The following UGT2A2 variants were observed in gnomAD, a reference collection of about 807,000 sequenced individuals.
UGT2A2 encodes UDP-glucuronosyltransferase 2A2.
UGT2A2 carries 60 observed loss-of-function variants against 50.7 expected under a neutral mutation model. The ratio of observed to expected loss-of-function variants is 1.18; its 90% CI spans 0.96 to 1.47. The LOEUF is 1.47. Ranked by LOEUF, UGT2A2 falls within the 40% of genes most tolerant of loss-of-function variation. The pLI, the probability that UGT2A2 is intolerant of heterozygous loss-of-function variation, is 0.00. For missense variants in UGT2A2, 762 were observed against 634.0 expected, an observed-to-expected ratio of 1.20 and a Z score of -2.17; for synonymous variants, 242 against 214.6, an observed-to-expected ratio of 1.13 and a Z score of -1.11.
At position 69,606,507 on chromosome 4, in the gene UGT2A2, T is replaced by C. The variant is rs1269844122; in HGVS notation, c.743-7113A>G. ...AACTGGAAGTATTCCCTTTGAAAAC[T>C]GGCACAAGACAGGGATGCCCTCTCT... On this transcript the variant is annotated intron_variant, in intron 1 of 5. Coordinates refer to ENST00000604629, the MANE Select transcript of UGT2A2 (RefSeq NM_001105677.2). Among the ~76,000 whole-genome samples, 7 of 136,348 alleles carry C rather than the reference T, an allele frequency of 5.1e-5. 1 individual carries two copies. The highest frequency in any genetic ancestry group is 7.8e-5 in the Non-Finnish European group (5 of 64,242). 89.4% of individuals were successfully genotyped at this position (136,348 alleles called of 152,430 possible).
At chr4:69,624,758 G>A (rs574941173) in intron 1 of UGT2A2, among the ~76,000 whole-genome samples, 2 of 151,210 alleles carry the variant, frequency 1.3e-5, no homozygotes, top group African/African-American at 4.8e-5. Flanking sequence ...TTACTTCTAT[G>A]TATTACAACT....
At chr4:69,624,679 C>T (rs1013930110) in intron 1 of UGT2A2, among the ~76,000 whole-genome samples, 1 of 151,160 alleles carries the variant, frequency 6.6e-6, no homozygotes, top group Non-Finnish European at 1.5e-5. Context: ...TCATTTTTAG[C>T]ATAACAACTT....
intron 1 of UGT2A2, among the ~76,000 whole-genome samples, chr4:69,622,329 A>G (rs182317160): frequency 6.6e-6 from 1 of 151,852 alleles, no homozygotes; most frequent in African/African-American, 2.4e-5. Flanking sequence ...AAAGTTAGAG[A>G]TCAAAACATA....
At chr4:69,606,213 AG>A (rs1719602858) in intron 1 of UGT2A2, among the ~76,000 whole-genome samples, 2 of 136,302 alleles carry the variant, frequency 1.5e-5, no homozygotes, top group African/African-American at 3.0e-5. Flanking sequence ...CACATCAAAA[AG>A]CTTACCCACC....
intron 1 of UGT2A2, among the ~76,000 whole-genome samples, chr4:69,615,183 C>A (rs1720302255): frequency 6.6e-6 from 1 of 151,952 alleles, no homozygotes; most frequent in South Asian, 2.1e-4. Flanking sequence ...TCTCACCATA[C>A]ACAAAAATCA....
At chr4:69,591,802 C>A (rs1419395277) in intron 5 of UGT2A2, among the ~76,000 whole-genome samples, 2 of 152,098 alleles carry the variant, frequency 1.3e-5, no homozygotes, top group African/African-American at 4.8e-5. Context: ...TGTACCTACA[C>A]TGATAATTAA....
chr4:69,596,366 T>C lies in UGT2A2; in HGVS notation c.907A>G (p.Ile303Val). The C allele has an allele frequency of 2.5e-6, 4 of 1,598,166 alleles. No homozygotes were observed. The highest frequency in any genetic ancestry group is 3.4e-6 in the Non-Finnish European group (4 of 1,172,024). The change falls in exon 3 of 6, where the codon ATC becomes GTC. Residue 303 changes from isoleucine to valine, a missense_variant. Ile to Val is a conservative substitution (Grantham distance 29). Transcript: ENST00000604629. ...ACACCATTTTTACCTGAGCTCTGGATAAATTCTTCCATTTCCTGCATACAT... is the reference window on the plus strand; with the variant it reads ...ACACCATTTTTACCTGAGCTCTGGACAAATTCTTCCATTTCCTGCATACAT... ...KPLPKEMEEF[I>V]QSSGKNGVVV...
chr4:69,610,170 G>A lies in UGT2A2; in HGVS notation c.743-10776C>T, dbSNP rs138199674. On this transcript the variant is annotated intron_variant, in intron 1 of 5. Coordinates refer to ENST00000604629, the MANE Select transcript of UGT2A2 (RefSeq NM_001105677.2). ...TGGAAAATACATGCATATTTTAAAA[G>A]ATATATAAAATATTTTTAAATGTGC... is the stretch of plus-strand genomic sequence containing the variant. 5.1e-3 allele frequency among the ~76,000 whole-genome samples: 780 copies of A among 152,046 alleles called. 9 individuals carry two copies. The highest frequency in any genetic ancestry group is 0.017 in the African/African-American group (713 of 41,522).
chr4:69,630,465 C>T (rs1721320968), intron 1 of UGT2A2, among the ~76,000 whole-genome samples: 1 of 152,080 alleles, frequency 6.6e-6, no homozygotes, highest in Non-Finnish European at 1.5e-5. Flanking sequence ...CATCACTATT[C>T]CCTCTCCTTT....
intron 1 of UGT2A2, among the ~76,000 whole-genome samples, chr4:69,623,726 T>C (rs1720885176): frequency 6.6e-6 from 1 of 151,264 alleles, no homozygotes; most frequent in Non-Finnish European, 1.5e-5. Context: ...CATCTCAAGT[T>C]AGTGTAAAAT....
Position 69,588,715 on chromosome 4 carries a change from A to G in UGT2A2, c.*657T>C, listed in dbSNP as rs993221086. 6.6e-6 allele frequency: 1 copy of G among 152,094 alleles called. No individual in the cohort carries two copies. The allele number at this position is 152,094 out of a possible 1,614,324, so 9.4% of individuals were successfully genotyped here. ...AGACAGTACCCAAATCTTCCACTAC[A>G]GGTTATATAAGAATATATGTTGAAG... On this transcript the variant is annotated 3_prime_UTR_variant, in exon 6 of 6. Transcript: ENST00000604629.
chr4:69,635,687 T>A, intron 1 of UGT2A2: 1 of 279,838 alleles, frequency 3.6e-6, no homozygotes, highest in Non-Finnish European at 7.1e-6. Context: ...AAAATTAGCC[T>A]GACCTGCTGG....
intron 1 of UGT2A2, among the ~76,000 whole-genome samples, chr4:69,620,171 T>C (rs1720658487): frequency 6.6e-6 from 1 of 151,806 alleles, no homozygotes; most frequent in Admixed American, 6.6e-5. Flanking sequence ...GGCATCCAAA[T>C]AGGAAGAGAG....
At chr4:69,620,062 T>C (rs1300507478) in intron 1 of UGT2A2, among the ~76,000 whole-genome samples, 1 of 152,032 alleles carries the variant, frequency 6.6e-6, no homozygotes, top group Non-Finnish European at 1.5e-5. Flanking sequence ...GCATTTTCCT[T>C]ATAAACTGGC....
At chr4:69,625,430 T>C (rs1366759441) in intron 1 of UGT2A2, among the ~76,000 whole-genome samples, 1 of 151,224 alleles carries the variant, frequency 6.6e-6, no homozygotes, top group Non-Finnish European at 1.5e-5. Context: ...GGATGTTTTG[T>C]TTATTTTGTG....
chr4:69,597,715 AACACACAC>A (rs71671445), intron 2 of UGT2A2, among the ~76,000 whole-genome samples: 5 of 150,254 alleles, frequency 3.3e-5, no homozygotes, highest in Non-Finnish European at 5.9e-5. Context: ...TCATTAAAAT[AACACACAC>A]ACACACACAC....
At chr4:69,589,698 T>C (rs1718481840) in intron 5 of UGT2A2, 47 bp from the exon 6 acceptor site, 1 of 1,559,636 alleles carries the variant, frequency 6.4e-7, no homozygotes, top group African/African-American at 1.4e-5. Context: ...TTTGTTTTTA[T>C]TTTCATTGAA....
chr4:69,627,399 T>C (rs1721121150), intron 1 of UGT2A2, among the ~76,000 whole-genome samples: 1 of 151,712 alleles, frequency 6.6e-6, no homozygotes, highest in Admixed American at 6.6e-5. Flanking sequence ...TCATATGATT[T>C]TATGCATAGA....
At chr4:69,628,797 C>T (rs1414546306) in intron 1 of UGT2A2, among the ~76,000 whole-genome samples, 1 of 147,750 alleles carries the variant, frequency 6.8e-6, no homozygotes, top group African/African-American at 2.5e-5. Flanking sequence ...CGTGAAATGC[C>T]TAAAAACTGA....
Sources: gnomAD v4.1 joint callset for allele counts (sites outside exome capture counted in the v4.1 genomes callset) on GRCh38, gnomAD v4.1.1 for gene constraint, MANE v1.5 for transcripts, NCBI Gene and HGNC (gene_info 2026-07-23, HGNC 2026-07-21) for gene names.